The following CENPF variants were observed in gnomAD, a reference collection of about 807,000 sequenced individuals.
The protein encoded by CENPF is centromere protein F, also known as AH antigen.
CENPF carries 214 observed loss-of-function variants against 307.3 expected under a neutral mutation model. The ratio of observed to expected loss-of-function variants is 0.70; its 90% confidence interval spans 0.62 to 0.78. The LOEUF (loss-of-function observed/expected upper bound fraction) is 0.78, where lower values mean the gene tolerates loss of function less well. Among genes scored for constraint, CENPF ranks in the 30% least tolerant of loss-of-function variants. The pLI, the probability that CENPF is intolerant of heterozygous loss-of-function variation, is 0.00. For synonymous variants in CENPF, 1,259 were observed against 1,270.6 expected (o/e 0.99, Z 0.19); for missense variants, 3,401 against 3,483.9 (o/e 0.98, Z 0.60).
chr1:214,624,811 G>A (rs1370794097), intron 7 of CENPF, among the ~76,000 whole-genome samples: 2 of 152,020 alleles, frequency 1.3e-5, no homozygotes, highest in Non-Finnish European at 2.9e-5. Flanking sequence ...GGTTGATGAT[G>A]TTGTTGAGTT....
chr1:214,644,115 T>G (rs1270567966), intron 12 of CENPF, among the ~76,000 whole-genome samples: 1 of 152,232 alleles, frequency 6.6e-6, no homozygotes, highest in African/African-American at 2.4e-5. Context: ...GATTGGGGAT[T>G]AAGTCCTTGG....
In CENPF at chr1:214,651,742, T is replaced by G. The variant is rs767093371; in HGVS notation, c.8016T>G (p.Ser2672Arg). ...TGAAGGAGCTCACACTAGAAAATAG[T>G]GAATTGAAGAAGAGCCTAGATTGCA... ...DQLKELTLEN[S>R]ELKKSLDCMH... Residue 2672 changes from serine (S) to arginine (R), a missense_variant, in exon 15 of 20, where the codon AGT (serine) becomes AGG (arginine). By Grantham distance (110) the Ser-to-Arg change is moderately radical. Transcript: ENST00000366955. The G allele has an allele frequency of 6.2e-7, 1 of 1,602,088 alleles. No individual in the cohort carries two copies. Among genetic ancestry groups the G allele is most frequent in the Non-Finnish European group, 8.5e-7 (1 of 1,176,862 alleles).
At chr1:214,624,623 TTCTC>T (rs1163265294) in intron 7 of CENPF, among the ~76,000 whole-genome samples, 10 of 152,210 alleles carry the variant, frequency 6.6e-5, no homozygotes, top group Admixed American at 5.2e-4. Flanking sequence ...AATTTGTGTC[TTCTC>T]TCTATCTCTG....
intron 13 of CENPF, 161 bp from the exon 14 acceptor site, chr1:214,648,514 T>C (rs1452380378): frequency 1.3e-6 from 1 of 799,444 alleles, no homozygotes; most frequent in Non-Finnish European, 2.2e-6. Context: ...TAGTAGGTTT[T>C]GAGAATGTTG....
intron 1 of CENPF, among the ~76,000 whole-genome samples, chr1:214,604,704 C>T (rs1656977713): frequency 6.6e-6 from 1 of 152,056 alleles, no homozygotes; most frequent in Non-Finnish European, 1.5e-5. Flanking sequence ...TTCTTTGACT[C>T]CTGACAAACT....
intron 1 of CENPF, chr1:214,605,972 G>A (rs570520086): frequency 1.3e-5 from 21 of 1,597,282 alleles, no homozygotes; most frequent in Middle Eastern, 2.3e-4. Flanking sequence ...GGTGAGCGGC[G>A]AATGCAGCAC....
intron 3 of CENPF, among the ~76,000 whole-genome samples, chr1:214,616,580 G>A (rs1032940646): frequency 2.1e-5 from 3 of 143,988 alleles, no homozygotes; most frequent in Non-Finnish European, 4.6e-5. Context: ...TGAAATGAGA[G>A]TATCTTGAAA....
chr1:214,623,469 A>G (rs368038168), intron 7 of CENPF, among the ~76,000 whole-genome samples: 7 of 152,230 alleles, frequency 4.6e-5, no homozygotes, highest in African/African-American at 1.4e-4. Context: ...CTTCATGGAT[A>G]CTGAGGGATG....
chr1:214,655,045 A>C (rs1441651836), intron 16 of CENPF, 196 bp from the exon 17 acceptor site: 5 of 374,746 alleles, frequency 1.3e-5, no homozygotes, highest in African/African-American at 1.0e-4. Flanking sequence ...GAGAATGACA[A>C]AACCACATTG....
rs1443649291 is a variant in CENPF, at chr1:214,643,768, ATTCT to A, written c.4986+447_4986+450del. Among the ~76,000 whole-genome samples the A allele has an allele frequency of 6.6e-5, 10 of 152,342 alleles. No homozygotes were observed. In the South Asian group the frequency reaches 1.9e-3, roughly 28 times the overall value. On this transcript the variant is annotated intron_variant, in intron 12 of 19. Transcript: ENST00000366955. The stretch of plus-strand genomic sequence containing the variant: ...ATCGTCATGAAACTAAATACAGCAG[ATTCT>A]TTATGTATTACTAAACAGTTTTCTC...
In CENPF at chr1:214,640,389, A is replaced by G. The variant is rs898277160; in HGVS notation, c.2051A>G (p.Asn684Ser). 1.2e-6 allele frequency: 2 copies of G among 1,614,066 alleles called. No individual in the cohort carries two copies. Among genetic ancestry groups the G allele is most frequent in the Non-Finnish European group, 1.7e-6 (2 of 1,180,012 alleles). The change falls in exon 12 of 20, where the codon AAC (asparagine) becomes AGC (serine). Residue 684 changes from asparagine to serine, a missense_variant. Coordinates refer to ENST00000366955, the MANE Select transcript of CENPF (RefSeq NM_016343.4). ...NLSVEIRNLH[N>S]VLDSKSVEVE... ...AGTGTCGAGATCAGAAACCTTCACAACGTGTTAGACAGTAAGTCAGTGGAG... is the reference window on the plus strand; with the variant it reads ...AGTGTCGAGATCAGAAACCTTCACAGCGTGTTAGACAGTAAGTCAGTGGAG...
chr1:214,647,535 T>C, intron 13 of CENPF, 135 bp downstream of exon 13: 3 of 993,744 alleles, frequency 3.0e-6, no homozygotes, highest in Non-Finnish European at 1.4e-6. Flanking sequence ...AAAGGCTTTA[T>C]GTTTACTGGG....
intron 12 of CENPF, among the ~76,000 whole-genome samples, chr1:214,643,967 C>T (rs937920384): frequency 8.5e-5 from 13 of 152,206 alleles, no homozygotes; most frequent in Non-Finnish European, 4.4e-5. Flanking sequence ...TTTCCTCTGT[C>T]TATCTCTGTG....
At chr1:214,652,010 A>G in intron 15 of CENPF, 124 bp downstream of exon 15, 1 of 694,350 alleles carries the variant, frequency 1.4e-6, no homozygotes, top group Non-Finnish European at 2.2e-6. Context: ...ATCTTTTAAA[A>G]GGTCTCACAT....
At chr1:214,608,667 G>C in intron 1 of CENPF, 2 of 1,599,948 alleles carry the variant, frequency 1.3e-6, no homozygotes, top group South Asian at 1.1e-5. Flanking sequence ...CGCCCGAGGA[G>C]GCCCGCAGGG....
rs1202415388 is a variant in CENPF at position 214,619,163 on chromosome 1, TAAA to T, written c.517_519del (p.Lys173del). On this transcript the variant is annotated inframe_deletion, in exon 5 of 20. Transcript: ENST00000366955. ...ATGAAGATCTAAAAGAAAAATATAATAAAGAGGTTGAAGAACGAAAAAGATTAG... is the reference window on the plus strand; with the variant it reads ...ATGAAGATCTAAAAGAAAAATATAATGAGGTTGAAGAACGAAAAAGATTAG... 1.1e-5 allele frequency: 17 copies of T among 1,580,364 alleles called. No individual in the cohort carries two copies. The highest frequency in any genetic ancestry group is 1.5e-5 in the Non-Finnish European group (17 of 1,154,194).
In CENPF at chr1:214,646,684, A is replaced by G. The variant is rs1396684138; in HGVS notation, c.7114A>G (p.Lys2372Glu). 2 of 1,614,068 alleles carry G rather than the reference A, an allele frequency of 1.2e-6. No individual in the cohort carries two copies. The highest frequency in any genetic ancestry group is 1.1e-5 in the South Asian group (1 of 91,070). Residue 2372 changes from lysine to glutamate, a missense_variant, in exon 13 of 20, where the codon AAA (lysine) becomes GAA (glutamate). Coordinates refer to ENST00000366955, the MANE Select transcript of CENPF (RefSeq NM_016343.4). The part of the protein sequence containing the change: ...SKGEVETLKA[K>E]IEGMTQSLRG... ...AGGAGAGGTAGAGACCCTAAAAGCA[A>G]AAATAGAAGGGATGACCCAAAGTCT...
In CENPF at chr1:214,646,961, G is replaced by T. The variant is rs757387764; in HGVS notation, c.7391G>T (p.Cys2464Phe). ...VAALHNDQEA[C>F]KAKEQNLSSQ... The stretch of plus-strand genomic sequence containing the variant: ...GCCCTGCATAATGACCAAGAAGCCT[G>T]TAAGGCCAAAGAGCAGAATCTTAGT... Residue 2464 changes from cysteine to phenylalanine, a missense_variant, in exon 13 of 20, where the codon TGT becomes TTT. By Grantham distance (205) the Cys-to-Phe change is radical. Transcript: ENST00000366955. 3 of 1,614,088 alleles carry T rather than the reference G, an allele frequency of 1.9e-6. No individual in the cohort carries two copies. Among genetic ancestry groups the T allele is most frequent in the Non-Finnish European group, 2.5e-6 (3 of 1,179,974 alleles).
At chr1:214,614,108 C>CTTT (rs370473275) in intron 2 of CENPF, among the ~76,000 whole-genome samples, 192 bp downstream of exon 2, 22 of 123,054 alleles carry the variant, frequency 1.8e-4, no homozygotes, top group African/African-American at 6.7e-4. Flanking sequence ...CAATCCCCTT[C>CTTT]TTTTTTTTTT....
Sources: allele counts gnomAD v4.1 joint callset (sites outside exome capture counted in the v4.1 genomes callset), GRCh38; gene constraint gnomAD v4.1.1; transcripts MANE v1.5; gene names NCBI Gene and HGNC (gene_info 2026-07-23, HGNC 2026-07-21).